CCAR1: variants seen among roughly 807,000 people sequenced by gnomAD.
CCAR1 encodes cell division cycle and apoptosis regulator protein 1.
In CCAR1, 78 loss-of-function variants were observed where a neutral mutation model predicts 163.8. The observed-to-expected ratio is 0.48, with a 90% CI of 0.40 to 0.57. CCAR1 has a LOEUF of 0.57. Ranked by LOEUF, CCAR1 falls within the 20% of genes least tolerant of loss-of-function variation. CCAR1 has a pLI of 0.00. For missense variants in CCAR1, 1,019 were observed against 1,365.2 expected (o/e 0.75, Z 4.00); for synonymous variants, 443 against 460.7 (o/e 0.96, Z 0.49).
intron 4 of CCAR1, 45 bp downstream of exon 4, chr10:68,737,934 A>G (rs776333579): frequency 6.3e-6 from 8 of 1,276,320 alleles, no homozygotes; most frequent in Non-Finnish European, 8.9e-6. Context: ...TAAAATAGCC[A>G]TTTGCTCCAA....
chr10:68,767,924 A>G (rs1351430139), intron 17 of CCAR1, among the ~76,000 whole-genome samples: 1 of 152,284 alleles, frequency 6.6e-6, no homozygotes, highest in Middle Eastern at 3.4e-3. Flanking sequence ...TAATTGCTTC[A>G]CTCCTTAAAA....
chr10:68,785,320 A>G (rs1335975001), intron 19 of CCAR1, among the ~76,000 whole-genome samples: 1 of 151,752 alleles, frequency 6.6e-6, no homozygotes, highest in Non-Finnish European at 1.5e-5. Context: ...TCCCAGGCTC[A>G]AGTGATTCTC....
At chr10:68,728,616 T>C (rs987119062) in intron 2 of CCAR1, among the ~76,000 whole-genome samples, 17 of 152,160 alleles carry the variant, frequency 1.1e-4, no homozygotes, top group African/African-American at 3.1e-4. Context: ...ATAGAGAGTA[T>C]AAGAACCTCA....
chr10:68,788,202 A>C lies in CCAR1; in HGVS notation c.3061A>C (p.Asn1021His). 1 of 1,596,604 alleles carries C rather than the reference A, an allele frequency of 6.3e-7. No homozygotes were observed. Among genetic ancestry groups the C allele is most frequent in the Non-Finnish European group, 8.5e-7 (1 of 1,174,072 alleles). ...VKQESKDVEE[N>H]VGLIVYNGAM... Reference sequence around the variant, plus strand: ...GCAGGAATCAAAGGATGTGGAAGAAAATGTTGGCCTCATTGTGTACAATGG... The same window carrying C: ...GCAGGAATCAAAGGATGTGGAAGAACATGTTGGCCTCATTGTGTACAATGG... The change falls in exon 23 of 25, where the codon AAT becomes CAT. Residue 1021 changes from asparagine (N) to histidine (H), a missense_variant. By Grantham distance (68) the Asn-to-His change is moderately conservative. This residue lies in a region of CCAR1 where 358 missense variants were observed against 406.4 expected (regional missense o/e 0.88). Transcript: ENST00000265872.
chr10:68,738,188 G>A (rs1044950584), intron 4 of CCAR1, among the ~76,000 whole-genome samples: 6 of 152,214 alleles, frequency 3.9e-5, no homozygotes, highest in Non-Finnish European at 8.8e-5. Flanking sequence ...GCCGAGGCGG[G>A]CGGATCACTT....
rs1455806036 is a variant in CCAR1 at position 68,789,901 on chromosome 10, A to G, written c.3379A>G (p.Thr1127Ala). 5.7e-6 allele frequency: 9 copies of G among 1,574,146 alleles called. No individual in the cohort carries two copies. Among genetic ancestry groups the G allele is most frequent in the South Asian group, 1.2e-5 (1 of 83,814 alleles). The change falls in exon 24 of 25, where the codon ACT (threonine) becomes GCT (alanine). Residue 1127 changes from threonine to alanine, a missense_variant. Physicochemically the swap from Thr to Ala is moderately conservative, Grantham distance 58. This residue lies in a region of CCAR1 where 358 missense variants were observed against 406.4 expected (regional missense o/e 0.88). Transcript: ENST00000265872. The part of the protein sequence containing the change: ...NLSTVMDEIH[T>A]VLKKDNVKNE... ...ATCTACGGTAATGGATGAAATCCAC[A>G]CTGTTCTCAAGAAGGTGAGAAATTT...
intron 2 of CCAR1, among the ~76,000 whole-genome samples, chr10:68,728,252 A>G (rs1289790455): frequency 6.6e-6 from 1 of 151,476 alleles, no homozygotes; most frequent in East Asian, 1.9e-4. Flanking sequence ...ATTCAGACCT[A>G]TTGTCACCCA....
chr10:68,780,942 G>A (rs542734816), intron 19 of CCAR1, among the ~76,000 whole-genome samples: 6 of 152,160 alleles, frequency 3.9e-5, no homozygotes, highest in South Asian at 4.1e-4. Flanking sequence ...TTGAAATTAG[G>A]CCAATTGTGC....
chr10:68,779,987 ACT>A lies in CCAR1; in HGVS notation c.2651-6145_2651-6144del, dbSNP rs533026237. On this transcript the variant is annotated intron_variant, in intron 19 of 24. Transcript: ENST00000265872. ...GGGGAAAAAATAGGACATGATCACT[ACT>A]CTCATTTTGTGTGGTGGGATTGATT... Among the ~76,000 whole-genome samples, 118 of 152,190 alleles carry A rather than the reference ACT, an allele frequency of 7.8e-4. 3 individuals carry two copies. In the East Asian group the frequency reaches 0.021, roughly 28 times the overall value.
At chr10:68,761,431 C>T (rs934802373) in intron 16 of CCAR1, among the ~76,000 whole-genome samples, 1 of 151,950 alleles carries the variant, frequency 6.6e-6, no homozygotes, top group African/African-American at 2.4e-5. Context: ...CTCAGCCTCC[C>T]GAGTAGCTGA....
intron 6 of CCAR1, among the ~76,000 whole-genome samples, chr10:68,746,941 T>A (rs2133345553): frequency 6.6e-6 from 1 of 152,202 alleles, no homozygotes; most frequent in Non-Finnish European, 1.5e-5. Flanking sequence ...GTGCACAATG[T>A]GCAGGTTAGT....
chr10:68,726,312 C>T (rs948054076), intron 2 of CCAR1, among the ~76,000 whole-genome samples: 12 of 151,940 alleles, frequency 7.9e-5, no homozygotes, highest in African/African-American at 2.9e-4. Context: ...GCAGCAAGCC[C>T]GGCTGATTTT....
In CCAR1 at chr10:68,747,279, C is replaced by CTT. The variant is rs1310791048; in HGVS notation, c.633+4_633+5insTT. On this transcript the variant is annotated splice_donor_region_variant and intron_variant, in intron 7 of 24. Transcript: ENST00000265872. ...AATTCAAACACTACCAAATCAGGTA[C>CTT]AGAAAGTATTGAGTTAGGTATTATA... is the stretch of plus-strand genomic sequence containing the variant. 6.3e-7 allele frequency: 1 copy of CTT among 1,592,630 alleles called. No individual in the cohort carries two copies. The highest frequency in any genetic ancestry group is 2.2e-5 in the East Asian group (1 of 44,774).
chr10:68,748,358 C>T (rs1325370440), intron 8 of CCAR1, among the ~76,000 whole-genome samples: 1 of 151,870 alleles, frequency 6.6e-6, no homozygotes, highest in Non-Finnish European at 1.5e-5. Flanking sequence ...CCAGATCACG[C>T]CATCGCACTT....
intron 8 of CCAR1, among the ~76,000 whole-genome samples, chr10:68,748,552 A>G (rs2056289378): frequency 7.4e-6 from 1 of 134,764 alleles, no homozygotes; most frequent in South Asian, 2.3e-4. Context: ...GCAGTGGTGT[A>G]ATCTTGGCTC....
intron 17 of CCAR1, among the ~76,000 whole-genome samples, chr10:68,769,940 CA>C (rs10527624): frequency 0.15 from 10,450 of 70,070 alleles, 229 homozygotes; most frequent in South Asian, 0.27. Context: ...GACTCTGTCT[CA>C]AAAAAAAAAA....
intron 6 of CCAR1, among the ~76,000 whole-genome samples, chr10:68,744,876 A>G (rs1356073396): frequency 7.0e-6 from 1 of 143,308 alleles, no homozygotes; most frequent in African/African-American, 2.6e-5. Flanking sequence ...GTCTTGCTTT[A>G]TCACCCAGGC....
At chr10:68,777,273 C>A (rs183420460) in intron 19 of CCAR1, among the ~76,000 whole-genome samples, 299 of 152,308 alleles carry the variant, frequency 2.0e-3, no homozygotes, top group African/African-American at 7.0e-3. Context: ...CTCCCCTCTA[C>A]AATAAAGTTT....
chr10:68,755,122 T>G, intron 12 of CCAR1: 1 of 706,442 alleles, frequency 1.4e-6, no homozygotes, highest in Non-Finnish European at 2.6e-6. Flanking sequence ...GTTTGAATTA[T>G]AGCTTGTTTC....
Sources: gnomAD v4.1 joint callset for allele counts (sites outside exome capture counted in the v4.1 genomes callset) on GRCh38, gnomAD v4.1.1 for gene constraint, gnomAD v4.1.1 regional missense constraint, MANE v1.5 for transcripts, NCBI Gene and HGNC (gene_info 2026-07-23, HGNC 2026-07-21) for gene names.